The following OVCH1 variants were observed in gnomAD, a reference collection of about 807,000 sequenced individuals.
OVCH1 encodes the protein ovochymase-1.
In OVCH1, 139 loss-of-function variants were observed where a neutral mutation model predicts 138.4. The ratio of observed to expected loss-of-function variants is 1.00; its 90% CI spans 0.87 to 1.16. The LOEUF (loss-of-function observed/expected upper bound fraction) is 1.16, where lower values mean the gene tolerates loss of function less well. Among genes scored for constraint, OVCH1 ranks in the 50% most tolerant of loss-of-function variants. OVCH1 has a pLI of 0.00. For missense variants in OVCH1, 1,367 were observed against 1,357.9 expected (o/e 1.01, Z -0.11); for synonymous variants, 453 against 467.8 (o/e 0.97, Z 0.41).
chr12:29,439,258 CTTAT>C (rs1468889629), intron 26 of OVCH1: 39 of 1,300,096 alleles, frequency 3.0e-5, no homozygotes, highest in South Asian at 5.0e-5. Flanking sequence ...TGTCACTTCT[CTTAT>C]TTATTGTTCT....
intron 26 of OVCH1, among the ~76,000 whole-genome samples, chr12:29,436,185 A>G (rs1592036511): frequency 1.3e-5 from 2 of 152,024 alleles, no homozygotes; most frequent in East Asian, 3.9e-4. Context: ...ACTATTTTCC[A>G]TTTTGGCCAC....
chr12:29,452,728 ACAAGT>A (rs1431513647), intron 21 of OVCH1, among the ~76,000 whole-genome samples: 1 of 152,184 alleles, frequency 6.6e-6, no homozygotes, highest in Non-Finnish European at 1.5e-5. Flanking sequence ...TGAATTACCA[ACAAGT>A]CAAGACTTTT....
chr12:29,433,847 C>T, intron 26 of OVCH1: 1 of 1,354,022 alleles, frequency 7.4e-7, no homozygotes, highest in East Asian at 2.9e-5. Flanking sequence ...AATGGAAATG[C>T]CTCCCAAACT....
rs940741244 is a variant in OVCH1, at chr12:29,434,478, C to G, written c.3265-665G>C. On this transcript the variant is annotated intron_variant, in intron 26 of 27. Transcript: ENST00000318184. ...ATTACAATCTATTAATTTACTTATT[C>G]GATAACAAAATTTTCCCAATAAAGC... Among the ~76,000 whole-genome samples the G allele has an allele frequency of 3.3e-5, 5 of 151,814 alleles. 1 individual carries two copies. The highest frequency in any genetic ancestry group is 1.2e-4 in the African/African-American group (5 of 41,312).
chr12:29,439,064 TAG>T (rs1941417829), intron 26 of OVCH1, among the ~76,000 whole-genome samples: 1 of 152,170 alleles, frequency 6.6e-6, no homozygotes, highest in African/African-American at 2.4e-5. Flanking sequence ...AATTCTTAAT[TAG>T]AGACAAATCT....
At chr12:29,479,888 A>G (rs1942873173) in intron 8 of OVCH1, among the ~76,000 whole-genome samples, 2 of 149,944 alleles carry the variant, frequency 1.3e-5, no homozygotes, top group African/African-American at 2.5e-5. Context: ...CAGTGGCGCA[A>G]TCTCAGCTCA....
chr12:29,415,616 G>A lies in OVCH1; in HGVS notation c.*72-2891C>T, dbSNP rs1436774126. ...ACTTAGCAAAACAGGTACAAGATCT[G>A]TATGCTGAAAATTGCAAAATTCTGG... On this transcript the variant is annotated intron_variant and NMD_transcript_variant, in intron 3 of 4. Transcript: ENST00000539117. Among the ~76,000 whole-genome samples the A allele has an allele frequency of 8.5e-5, 13 of 152,284 alleles. No homozygotes were observed. The East Asian group carries it at 2.5e-3, about 29-fold the overall frequency.
chr12:29,421,818 G>C (rs1941108300), intron 3 of OVCH1, among the ~76,000 whole-genome samples: 1 of 151,960 alleles, frequency 6.6e-6, no homozygotes, highest in South Asian at 2.1e-4. Context: ...TGAGAATTAG[G>C]ATATGTGCTT....
At chr12:29,406,517 CATT>C in the OVCH1 span, among the ~76,000 whole-genome samples, 46,501 of 151,472 alleles carry the variant, frequency 0.31, 8,339 homozygotes, top group Middle Eastern at 0.51. Flanking sequence ...CATATGTTCT[CATT>C]GTTCAGTTCC....
chr12:29,471,669 T>G, intron 16 of OVCH1, 133 bp downstream of exon 16: 1 of 1,029,356 alleles, frequency 9.7e-7, no homozygotes, highest in South Asian at 1.8e-5. Context: ...TAGATGGCTA[T>G]GCAGAAGAAA....
the OVCH1 span, among the ~76,000 whole-genome samples, chr12:29,406,399 C>T: frequency 5.5e-4 from 83 of 152,124 alleles, no homozygotes; most frequent in African/African-American, 1.9e-3. Flanking sequence ...CATGCTGCTG[C>T]GCTGCACCCA....
exon 1 of OVCH1, chr12:29,497,642 G>C (rs760703069): frequency 1.2e-6 from 2 of 1,613,924 alleles, no homozygotes; most frequent in Non-Finnish European, 1.7e-6. Flanking sequence ...TGGGGTGGCC[G>C]ATGACCAGCA....
downstream of OVCH1, among the ~76,000 whole-genome samples, chr12:29,407,919 T>C (rs1482199149): frequency 1.3e-5 from 2 of 149,272 alleles, no homozygotes; most frequent in Non-Finnish European, 3.0e-5. Context: ...TTTCAAGATA[T>C]TGATTCTTCC....
chr12:29,404,101 T>C, the OVCH1 span, among the ~76,000 whole-genome samples: 1 of 152,208 alleles, frequency 6.6e-6, no homozygotes, highest in Non-Finnish European at 1.5e-5. Context: ...AAGACATTCA[T>C]TTTTCAGGTG....
chr12:29,454,908 A>G (rs1199224105), exon 21 of OVCH1: 2 of 1,612,084 alleles, frequency 1.2e-6, no homozygotes, highest in East Asian at 4.5e-5. Context: ...TTTTGCATTT[A>G]TTATTTGTCT....
rs1941425952 is a variant in OVCH1 at position 29,439,335 on chromosome 12, T to TTTTCCCATATA, written c.3246_3256dup (p.Asn1086IlefsTer11). 1 of 1,524,614 alleles carries TTTTCCCATATA rather than the reference T, an allele frequency of 6.6e-7. No individual in the cohort carries two copies. Among genetic ancestry groups the TTTTCCCATATA allele is most frequent in the African/African-American group, 1.4e-5 (1 of 70,682 alleles). 94.4% of individuals were successfully genotyped at this position (1,524,614 alleles called of 1,614,324 possible). A position where few individuals can be genotyped will look rare whatever the true frequency, so the allele number is the denominator to read the frequency against. ...CCTCTTTGAGTTACTCACCACTGAA[T>TTTTCCCATATA]TTTCCCATATATGCATGATATATGT... On this transcript the variant is annotated frameshift_variant, in exon 26 of 28. Coordinates refer to ENST00000318184, the Ensembl canonical transcript of OVCH1. LOFTEE classifies it high-confidence loss of function.
chr12:29,430,869 G>A, intron 27 of OVCH1: 1 of 517,336 alleles, frequency 1.9e-6, no homozygotes, highest in Non-Finnish European at 3.9e-6. Context: ...AGTTCAGTTG[G>A]AGAGTTCCTT....
At chr12:29,431,145 T>G (rs919692209) in intron 27 of OVCH1, among the ~76,000 whole-genome samples, 1 of 152,070 alleles carries the variant, frequency 6.6e-6, no homozygotes, top group Non-Finnish European at 1.5e-5. Context: ...AAGGAGGAGA[T>G]AAAAAGTTGT....
chr12:29,455,036 A>C, intron 20 of OVCH1, 103 bp from the exon 21 acceptor site: 2 of 1,209,498 alleles, frequency 1.7e-6, no homozygotes, highest in Non-Finnish European at 1.2e-6. Flanking sequence ...AAAGAAACAA[A>C]TCCAGGATTA....
Sources: gnomAD v4.1 joint callset for allele counts (sites outside exome capture counted in the v4.1 genomes callset) on GRCh38, gnomAD v4.1.1 for gene constraint, MANE v1.5 for transcripts, NCBI Gene and HGNC (gene_info 2026-07-23, HGNC 2026-07-21) for gene names.